The following DENND2B variants were observed in gnomAD, a reference collection of about 807,000 sequenced individuals.
The protein encoded by DENND2B is DENN domain-containing protein 2B.
DENND2B carries 32 observed loss-of-function variants against 116.0 expected under a neutral mutation model. That is an observed-to-expected ratio of 0.28 (90% CI 0.21 to 0.37). DENND2B has a LOEUF of 0.37. Among genes scored for constraint, DENND2B ranks in the 10% least tolerant of loss-of-function variants. The pLI, the probability that DENND2B is intolerant of heterozygous loss-of-function variation, is 1.00. For missense variants in DENND2B, 1,276 were observed against 1,477.7 expected, an observed-to-expected ratio of 0.86 and a Z score of 2.24; for synonymous variants, 588 against 583.9, an observed-to-expected ratio of 1.01 and a Z score of -0.10.
At chr11:8,716,324 A>G (rs576701011) in intron 5 of DENND2B, among the ~76,000 whole-genome samples, 1 of 152,300 alleles carries the variant, frequency 6.6e-6, no homozygotes, top group East Asian at 1.9e-4. Context: ...TCTGACCACC[A>G]AAGCTGGGCC....
At chr11:8,883,178 T>C (rs2134730535) in intron 1 of DENND2B, among the ~76,000 whole-genome samples, 2 of 152,328 alleles carry the variant, frequency 1.3e-5, no homozygotes, top group Middle Eastern at 6.8e-3. Flanking sequence ...ATTTTGTTGT[T>C]GTTTTCATTT....
intron 1 of DENND2B, among the ~76,000 whole-genome samples, chr11:8,764,942 C>CA (rs35421038): frequency 0.26 from 25,375 of 99,182 alleles, 3,337 homozygotes; most frequent in Middle Eastern, 0.35. Context: ...GAGACTGTCT[C>CA]AAAAAAAAAA....
chr11:8,750,346 G>T (rs2052147585), intron 2 of DENND2B, among the ~76,000 whole-genome samples: 1 of 152,208 alleles, frequency 6.6e-6, no homozygotes, highest in Admixed American at 6.5e-5. Context: ...CATGGGAAAA[G>T]GTTACAAGCC....
intron 2 of DENND2B, chr11:8,870,860 G>T (rs2063759900): frequency 2.0e-5 from 3 of 152,248 alleles, no homozygotes; most frequent in Non-Finnish European, 4.4e-5. Context: ...TGCCGGGGCC[G>T]GGAGTCGGGA....
chr11:8,825,872 G>A (rs1594125946), intron 4 of DENND2B, among the ~76,000 whole-genome samples: 1 of 152,110 alleles, frequency 6.6e-6, no homozygotes, highest in Admixed American at 6.6e-5. Context: ...AAAACACAGG[G>A]CCCAGATCAA....
intron 1 of DENND2B, among the ~76,000 whole-genome samples, chr11:8,886,612 T>G (rs1027505543): frequency 6.6e-6 from 1 of 151,502 alleles, no homozygotes; most frequent in Non-Finnish European, 1.5e-5. Context: ...ACTAGCATCA[T>G]AGACACAACA....
intron 19 of DENND2B, among the ~76,000 whole-genome samples, chr11:8,695,189 A>T (rs1378406437): frequency 2.6e-5 from 4 of 152,216 alleles, no homozygotes; most frequent in Admixed American, 2.6e-4. Flanking sequence ...ATACTATGCC[A>T]TTTTATAGAA....
chr11:8,701,321 G>A (rs1056161176), intron 14 of DENND2B, among the ~76,000 whole-genome samples: 1 of 128,078 alleles, frequency 7.8e-6, no homozygotes, highest in Admixed American at 9.2e-5. Flanking sequence ...ATATTAAAAG[G>A]CTAGGATGGG....
intron 4 of DENND2B, among the ~76,000 whole-genome samples, chr11:8,836,458 G>A (rs1428892863): frequency 8.2e-6 from 1 of 122,014 alleles, no homozygotes; most frequent in South Asian, 2.7e-4. Context: ...GTCTTGCTCT[G>A]TCGCCCAGGC....
chr11:8,785,067 T>C (rs1227945947), intron 1 of DENND2B: 1 of 151,834 alleles, frequency 6.6e-6, no homozygotes, highest in Non-Finnish European at 1.5e-5. Flanking sequence ...CATGGTAGAG[T>C]AGTTGCTAAG....
At chr11:8,803,908 A>G (rs1159536689) in intron 1 of DENND2B, among the ~76,000 whole-genome samples, 3 of 152,214 alleles carry the variant, frequency 2.0e-5, no homozygotes, top group Non-Finnish European at 4.4e-5. Flanking sequence ...GGGCTGAGGC[A>G]GAGGCCGGGG....
chr11:8,707,675 G>A lies in DENND2B; in HGVS notation c.2430+102C>T, dbSNP rs979617286. ...TGTTCCTGCATTCTGTCTCCCGCTC[G>A]CTCACAGTCACAGGTGGTTTTCTCA... is the stretch of plus-strand genomic sequence containing the variant. On this transcript the variant is annotated intron_variant, in intron 12 of 19. Transcript: ENST00000313726. The surrounding 1 kb of genome is among the most constrained non-coding windows in gnomAD (Gnocchi z 4.8). 2.1e-5 allele frequency: 24 copies of A among 1,118,014 alleles called. No homozygotes were observed. Among genetic ancestry groups the A allele is most frequent in the Admixed American group, 6.6e-5 (3 of 45,474 alleles). 69.3% of individuals were successfully genotyped at this position (1,118,014 alleles called of 1,614,324 possible).
intron 1 of DENND2B, among the ~76,000 whole-genome samples, chr11:8,793,360 C>G (rs910766004): frequency 2.6e-5 from 4 of 152,206 alleles, no homozygotes; most frequent in Non-Finnish European, 4.4e-5. Context: ...CCCCAAGCTC[C>G]TGGTTTACCT....
upstream of DENND2B, chr11:8,811,263 G>A: frequency 2.5e-6 from 1 of 398,668 alleles, no homozygotes; most frequent in Non-Finnish European, 4.4e-6. Flanking sequence ...GCCTGTCCAG[G>A]TTGTGGCGAT....
chr11:8,880,689 A>G (rs1398468894), intron 2 of DENND2B, among the ~76,000 whole-genome samples: 1 of 152,200 alleles, frequency 6.6e-6, no homozygotes, highest in Non-Finnish European at 1.5e-5. Context: ...AGAGGTAGCA[A>G]GACTTCGTCT....
intron 4 of DENND2B, among the ~76,000 whole-genome samples, chr11:8,838,057 C>T (rs2062496897): frequency 2.0e-5 from 3 of 152,326 alleles, no homozygotes; most frequent in East Asian, 1.9e-4. Flanking sequence ...AAGTTATCCT[C>T]GTCAGAGAAT....
At chr11:8,696,305 G>A in intron 18 of DENND2B, 122 bp downstream of exon 18, 1 of 1,416,582 alleles carries the variant, frequency 7.1e-7, no homozygotes, top group Non-Finnish European at 9.6e-7. Flanking sequence ...TCTAACAGAG[G>A]TAAAGGGATG....
intron 1 of DENND2B, among the ~76,000 whole-genome samples, chr11:8,754,585 G>C (rs1055058667): frequency 1.3e-5 from 2 of 152,174 alleles, no homozygotes; most frequent in Non-Finnish European, 2.9e-5. Flanking sequence ...CTGTTCAGAA[G>C]AAATGAAAAT....
At chr11:8,790,332 T>G (rs2059274527) in intron 1 of DENND2B, among the ~76,000 whole-genome samples, 1 of 152,202 alleles carries the variant, frequency 6.6e-6, no homozygotes, top group African/African-American at 2.4e-5. Context: ...GTATACTGGC[T>G]TTTCATATGT....
Sources: gnomAD v4.1 joint callset for allele counts (sites outside exome capture counted in the v4.1 genomes callset) on GRCh38, gnomAD v4.1.1 for gene constraint, Gnocchi (gnomAD v3.1) non-coding constraint, MANE v1.5 for transcripts, NCBI Gene and HGNC (gene_info 2026-07-23, HGNC 2026-07-21) for gene names.